Variants in PTBP3 observed in about 807,000 individuals in gnomAD.
PTBP3 encodes polypyrimidine tract-binding protein 3.
PTBP3 carries 20 observed loss-of-function variants against 58.7 expected under a neutral mutation model. That is an observed-to-expected ratio of 0.34 (90% confidence interval 0.24 to 0.50). The LOEUF is 0.50. Among genes scored for constraint, PTBP3 ranks in the 20% least tolerant of loss-of-function variants. PTBP3 has a pLI of 0.98. For missense variants in PTBP3, 509 were observed against 637.2 expected, an observed-to-expected ratio of 0.80 and a Z score of 2.17; for synonymous variants, 185 against 219.8, an observed-to-expected ratio of 0.84 and a Z score of 1.40.
intron 4 of PTBP3, among the ~76,000 whole-genome samples, chr9:112,263,089 G>A (rs1275798475): frequency 6.6e-6 from 1 of 152,164 alleles, no homozygotes; most frequent in Non-Finnish European, 1.5e-5. Context: ...GGGGCAGGGG[G>A]AGGGAGCGTT....
chr9:112,347,861 G>T, the PTBP3 span, among the ~76,000 whole-genome samples: 1 of 152,178 alleles, frequency 6.6e-6, no homozygotes, highest in African/African-American at 2.4e-5. Flanking sequence ...TAGTCCTTTA[G>T]CTGGTTGTTG....
chr9:112,379,831 C>A, the PTBP3 span: 2 of 498,700 alleles, frequency 4.0e-6, no homozygotes, highest in Non-Finnish European at 7.1e-6. Flanking sequence ...GCGGCTGACG[C>A]TGCCCAGACG....
At chr9:112,352,935 C>T in the PTBP3 span, among the ~76,000 whole-genome samples, 2 of 151,606 alleles carry the variant, frequency 1.3e-5, no homozygotes, top group African/African-American at 4.8e-5. Flanking sequence ...GAGTCTTCTG[C>T]TCTTTCCCAG....
the PTBP3 span, among the ~76,000 whole-genome samples, chr9:112,358,641 A>T: frequency 6.6e-6 from 1 of 152,186 alleles, no homozygotes; most frequent in Non-Finnish European, 1.5e-5. Context: ...CAAATTTTAA[A>T]ACCACTTAAA....
At chr9:112,327,170 C>T (rs1312719843) in intron 1 of PTBP3, among the ~76,000 whole-genome samples, 1 of 151,540 alleles carries the variant, frequency 6.6e-6, no homozygotes, top group Non-Finnish European at 1.5e-5. Context: ...TGCCACTGTA[C>T]TCCAGCCCGG....
In PTBP3 at chr9:112,244,289, C is replaced by CAAAAAAAAAAAAAAAAAAAA. The variant is rs56052359; in HGVS notation, c.802+6639_802+6640insTTTTTTTTTTTTTTTTTTTT. On this transcript the variant is annotated intron_variant, in intron 7 of 13. Coordinates refer to ENST00000374257, the MANE Select transcript of PTBP3 (RefSeq NM_001163788.4). ...TGGGCAACAGAGTGAGACTCTGTCT[C>CAAAAAAAAAAAAAAAAAAAA]AAAAAAAAAAAAAAAAAAGTTCTCA... Among the ~76,000 whole-genome samples, 163 of 36,278 alleles carry CAAAAAAAAAAAAAAAAAAAA rather than the reference C, an allele frequency of 4.5e-3. 27 individuals carry two copies. Among genetic ancestry groups the CAAAAAAAAAAAAAAAAAAAA allele is most frequent in the African/African-American group, 0.011 (108 of 9,468 alleles). The allele number at this position is 36,278 out of a possible 152,430, so 23.8% of individuals were successfully genotyped here.
chr9:112,226,221 C>T lies in PTBP3; in HGVS notation c.1364+1190G>A, dbSNP rs73533632. On this transcript the variant is annotated intron_variant, in intron 12 of 13. Coordinates refer to ENST00000374257, the MANE Select transcript of PTBP3 (RefSeq NM_001163788.4). The stretch of plus-strand genomic sequence containing the variant: ...TTTTTCCTTGACTCTACCAGTTTCC[C>T]GGCTGGTATGAGGTTTGATCCACTG... Among the ~76,000 whole-genome samples, 855 of 151,628 alleles carry T rather than the reference C, an allele frequency of 5.6e-3. 14 individuals are homozygous for T. Among genetic ancestry groups the T allele is most frequent in the African/African-American group, 0.019 (799 of 41,298 alleles).
intron 2 of PTBP3, among the ~76,000 whole-genome samples, chr9:112,291,308 T>C (rs927220077): frequency 6.6e-6 from 1 of 151,648 alleles, no homozygotes; most frequent in Non-Finnish European, 1.5e-5. Flanking sequence ...TTCAAAGTGA[T>C]CTACAGGATC....
At chr9:112,276,375 A>AT (rs1360024955) in intron 2 of PTBP3, among the ~76,000 whole-genome samples, 6 of 152,160 alleles carry the variant, frequency 3.9e-5, no homozygotes, top group African/African-American at 1.4e-4. Flanking sequence ...TTTTAAGGAC[A>AT]TTTTTCTAAT....
At chr9:112,265,915 AACT>A (rs1303225277) in intron 4 of PTBP3, among the ~76,000 whole-genome samples, 2 of 152,210 alleles carry the variant, frequency 1.3e-5, no homozygotes, top group African/African-American at 4.8e-5. Flanking sequence ...AAATAAGAAC[AACT>A]ACAACACAGA....
chr9:112,253,455 C>A (rs1836215029), intron 5 of PTBP3, among the ~76,000 whole-genome samples: 1 of 152,136 alleles, frequency 6.6e-6, no homozygotes, highest in Admixed American at 6.6e-5. Context: ...CACCAATATC[C>A]TCACAATACG....
intron 4 of PTBP3, among the ~76,000 whole-genome samples, chr9:112,265,093 T>G (rs966212921): frequency 1.3e-5 from 2 of 152,202 alleles, no homozygotes; most frequent in Non-Finnish European, 1.5e-5. Flanking sequence ...GTGTGTTTTT[T>G]GGGGGACAGG....
chr9:112,376,697 T>C, the PTBP3 span, among the ~76,000 whole-genome samples: 4 of 152,162 alleles, frequency 2.6e-5, no homozygotes, highest in South Asian at 2.1e-4. Context: ...AGGAGAAGGA[T>C]GTAGGCTGGG....
At chr9:112,254,073 C>A (rs915197216) in intron 5 of PTBP3, among the ~76,000 whole-genome samples, 1 of 152,180 alleles carries the variant, frequency 6.6e-6, no homozygotes, top group Non-Finnish European at 1.5e-5. Flanking sequence ...TCACTGTAGG[C>A]TCCACCTCCC....
Position 112,333,553 on chromosome 9 carries a change from G to T in PTBP3, c.-135C>A. The T allele has an allele frequency of 6.5e-7, 1 of 1,530,338 alleles. No individual in the cohort carries two copies. Among genetic ancestry groups the T allele is most frequent in the Non-Finnish European group, 8.9e-7 (1 of 1,123,960 alleles). The allele number at this position is 1,530,338 out of a possible 1,614,324, so 94.8% of individuals were successfully genotyped here. On this transcript the variant is annotated 5_prime_UTR_variant, in exon 1 of 14. Transcript: ENST00000374257. ...CAGAGGAAGCAGGCGGCGGCAGCAG[G>T]GCGGTTCCGGGGACAAGCGAGCTTT...
At chr9:112,373,302 C>T in the PTBP3 span, among the ~76,000 whole-genome samples, 1 of 152,162 alleles carries the variant, frequency 6.6e-6, no homozygotes, top group Non-Finnish European at 1.5e-5. Flanking sequence ...AACTGAAAAA[C>T]CTGGAGTCTG....
At chr9:112,320,314 A>ATATATATATATATATATATATATATTT in intron 1 of PTBP3, among the ~76,000 whole-genome samples, 6 of 75,688 alleles carry the variant, frequency 7.9e-5, no homozygotes, top group African/African-American at 4.0e-4. Flanking sequence ...ATATATATAT[A>ATATATATATATATATATATATATATTT]TTTTTTTTTA....
At chr9:112,282,953 C>T (rs189308593) in intron 2 of PTBP3, among the ~76,000 whole-genome samples, 3 of 152,144 alleles carry the variant, frequency 2.0e-5, no homozygotes, top group Admixed American at 6.6e-5. Context: ...AGGGAGTTCT[C>T]GCAAGATCTG....
At chr9:112,328,819 G>C (rs1830256921) in intron 1 of PTBP3, among the ~76,000 whole-genome samples, 1 of 152,102 alleles carries the variant, frequency 6.6e-6, no homozygotes, top group Non-Finnish European at 1.5e-5. Flanking sequence ...ACCACTGTCA[G>C]GTCCAACAAA....
Sources: allele counts gnomAD v4.1 joint callset (sites outside exome capture counted in the v4.1 genomes callset), GRCh38; gene constraint gnomAD v4.1.1; transcripts MANE v1.5; gene names NCBI Gene and HGNC (gene_info 2026-07-23, HGNC 2026-07-21).